The following SIAH1 variants were observed in gnomAD, a reference collection of about 807,000 sequenced individuals.
The protein encoded by SIAH1 is siah E3 ubiquitin protein ligase 1, also known as E3 ubiquitin-protein ligase SIAH1.
SIAH1 carries 2 observed loss-of-function variants against 20.0 expected under a neutral mutation model. That is an observed-to-expected ratio of 0.10 (90% CI 0.04 to 0.31). The LOEUF (loss-of-function observed/expected upper bound fraction) is 0.31, where lower values mean the gene tolerates loss of function less well. SIAH1 is among the 10% of genes least tolerant of loss of function. The pLI is 1.00. For synonymous variants in SIAH1, 118 were observed against 125.3 expected (o/e 0.94, Z 0.39); for missense variants, 119 against 355.3 (o/e 0.33, Z 5.35).
At chr16:48,373,035 T>C (rs1025750040) in intron 1 of SIAH1, among the ~76,000 whole-genome samples, 6 of 152,220 alleles carry the variant, frequency 3.9e-5, no homozygotes, top group Non-Finnish European at 4.4e-5. Context: ...AGCTTCCTTT[T>C]ATTCCTGCTC....
intron 1 of SIAH1, among the ~76,000 whole-genome samples, chr16:48,372,111 G>A (rs1181445811): frequency 1.3e-5 from 2 of 152,068 alleles, no homozygotes; most frequent in Non-Finnish European, 1.5e-5. Context: ...TTGCTAGGAA[G>A]ACTAAAGAAA....
chr16:48,365,795 T>C, intron 1 of SIAH1: 1 of 1,298,370 alleles, frequency 7.7e-7, no homozygotes, highest in Non-Finnish European at 9.8e-7. Context: ...CTGGGTAGGG[T>C]CCTGCCCAGC....
At position 48,361,805 on chromosome 16, in the gene SIAH1, G is replaced by A. The variant is rs764148723; in HGVS notation, c.624C>T (p.Ile208=). Residue 208 remains isoleucine, a synonymous_variant, in exon 2 of 2, where the codon ATC becomes ATT. Coordinates refer to ENST00000394725, the MANE Select transcript of SIAH1 (RefSeq NM_003031.4). ...GCTTGCGTGTTCCTATCAGCTGTACGATTGCGAAGAACTGCTGGTGACCAT... is the reference window on the plus strand; with the variant it reads ...GCTTGCGTGTTCCTATCAGCTGTACAATTGCGAAGAACTGCTGGTGACCAT... ...KYDGHQQFFA[I]VQLIGTRKQA... 57 of 1,614,002 alleles carry A rather than the reference G, an allele frequency of 3.5e-5. No individual in the cohort carries two copies. The Admixed American group carries it at 7.3e-4, about 21-fold the overall frequency.
chr16:48,361,401 A>C lies in SIAH1; in HGVS notation c.*179T>G. 1 of 581,120 alleles carries C rather than the reference A, an allele frequency of 1.7e-6. No homozygotes were observed. Among genetic ancestry groups the C allele is most frequent in the Non-Finnish European group, 3.0e-6 (1 of 332,312 alleles). The allele number at this position is 581,120 out of a possible 1,614,324, so 36.0% of individuals were successfully genotyped here. On this transcript the variant is annotated 3_prime_UTR_variant, in exon 2 of 2. Transcript: ENST00000394725. ...GTGGTTTACTGTTGACTTATTTTTA[A>C]ATATATTAGTGTTACTACATGCAAC...
At chr16:48,386,771 G>C (rs937852558), upstream of SIAH1, among the ~76,000 whole-genome samples, 1 of 152,168 alleles carries the variant, frequency 6.6e-6, no homozygotes, top group African/African-American at 2.4e-5. Flanking sequence ...ATGTGGCCTT[G>C]ACCTGGTCGT....
upstream of SIAH1, among the ~76,000 whole-genome samples, chr16:48,386,584 A>G (rs1016462756): frequency 6.6e-6 from 1 of 152,240 alleles, no homozygotes; most frequent in African/African-American, 2.4e-5. Context: ...TAAAGTTTAT[A>G]TGTGCAAAAC....
rs190006417 is a variant in SIAH1 at position 48,381,105 on chromosome 16, G to A, written c.-3+4099C>T. On this transcript the variant is annotated intron_variant, in intron 1 of 1. Coordinates refer to ENST00000394725, the MANE Select transcript of SIAH1 (RefSeq NM_003031.4). ...AAACTAAAGATACTCTTCACTTTGG[G>A]AGGCTAAGACAGGCAGATCACCTGA... Among the ~76,000 whole-genome samples, 1,021 of 152,086 alleles carry A rather than the reference G, an allele frequency of 6.7e-3. 6 individuals are homozygous for A. The highest frequency in any genetic ancestry group is 0.015 in the South Asian group (71 of 4,812).
chr16:48,370,744 C>T (rs1264265232), intron 1 of SIAH1, among the ~76,000 whole-genome samples: 1 of 149,046 alleles, frequency 6.7e-6, no homozygotes, highest in African/African-American at 2.5e-5. Flanking sequence ...AGGCGGAGCT[C>T]GAAGTGAGCC....
intron 1 of SIAH1, among the ~76,000 whole-genome samples, chr16:48,384,731 G>T (rs1286331256): frequency 6.6e-6 from 1 of 151,446 alleles, no homozygotes; most frequent in African/African-American, 2.4e-5. Flanking sequence ...CGGGGAGGAG[G>T]GGGAGGGAGG....
chr16:48,365,245 A>G (rs1960784042), intron 1 of SIAH1: 3 of 819,354 alleles, frequency 3.7e-6, no homozygotes, highest in African/African-American at 1.7e-5. Flanking sequence ...AGAAAAAAGA[A>G]CAGCAGCCCA....
chr16:48,382,116 C>T (rs1961311959), intron 1 of SIAH1, among the ~76,000 whole-genome samples: 1 of 152,202 alleles, frequency 6.6e-6, no homozygotes, highest in African/African-American at 2.4e-5. Context: ...GCAGCTCACA[C>T]CTGTAATCTC....
chr16:48,369,118 T>TA (rs752064406), intron 1 of SIAH1, among the ~76,000 whole-genome samples: 1 of 152,162 alleles, frequency 6.6e-6, no homozygotes, highest in Admixed American at 6.5e-5. Context: ...TGCCAAAAGT[T>TA]AAAAAATCAA....
At chr16:48,363,804 A>G (rs1007579936) in intron 1 of SIAH1, 1 of 167,032 alleles carries the variant, frequency 6.0e-6, no homozygotes, top group Non-Finnish European at 1.5e-5. Context: ...AGGCTGAGTC[A>G]AAGATAAAAC....
chr16:48,386,397 C>G (rs995907120), upstream of SIAH1, among the ~76,000 whole-genome samples: 2 of 152,086 alleles, frequency 1.3e-5, no homozygotes, highest in African/African-American at 2.4e-5. Context: ...GTCCCAGCTA[C>G]TCGGAGGCTG....
At chr16:48,363,751 G>A (rs916463373) in intron 1 of SIAH1, 1 of 166,884 alleles carries the variant, frequency 6.0e-6, no homozygotes, top group Non-Finnish European at 1.5e-5. Flanking sequence ...TTATTTAACA[G>A]GTAAATATCA....
At chr16:48,368,390 T>TA (rs927966965) in intron 1 of SIAH1, among the ~76,000 whole-genome samples, 2 of 152,110 alleles carry the variant, frequency 1.3e-5, no homozygotes, top group African/African-American at 2.4e-5. Flanking sequence ...CTTAATTTAG[T>TA]AAAAAACAAC....
chr16:48,367,444 C>G (rs1960870503), intron 1 of SIAH1, among the ~76,000 whole-genome samples: 1 of 152,178 alleles, frequency 6.6e-6, no homozygotes, highest in African/African-American at 2.4e-5. Flanking sequence ...TGGAAGCATT[C>G]TAGAGTCATC....
At chr16:48,378,819 T>C (rs1961179015) in intron 1 of SIAH1, among the ~76,000 whole-genome samples, 2 of 152,174 alleles carry the variant, frequency 1.3e-5, no homozygotes, top group East Asian at 1.9e-4. Flanking sequence ...CCCTACTTCA[T>C]GGGGCCTTTA....
chr16:48,371,720 C>T (rs947567159), intron 1 of SIAH1, among the ~76,000 whole-genome samples: 20 of 152,192 alleles, frequency 1.3e-4, no homozygotes, highest in African/African-American at 4.6e-4. Flanking sequence ...GTCTTGATTA[C>T]AAACTAATCT....
Sources: gnomAD v4.1 joint callset for allele counts (sites outside exome capture counted in the v4.1 genomes callset) on GRCh38, gnomAD v4.1.1 for gene constraint, MANE v1.5 for transcripts, NCBI Gene and HGNC (gene_info 2026-07-23, HGNC 2026-07-21) for gene names.